AOPEP: variants seen among roughly 807,000 people sequenced by gnomAD.
AOPEP encodes the protein aminopeptidase O (putative), also known as aminopeptidase O.
A neutral mutation model predicts 98.1 loss-of-function variants in AOPEP; 77 were observed. The ratio of observed to expected loss-of-function variants is 0.78; its 90% CI spans 0.65 to 0.95. The LOEUF (loss-of-function observed/expected upper bound fraction) is 0.95, where lower values mean the gene tolerates loss of function less well. Ranked by LOEUF, AOPEP falls within the 40% of genes least tolerant of loss-of-function variation. The pLI is 0.00. For synonymous variants in AOPEP, 346 were observed against 365.3 expected, an observed-to-expected ratio of 0.95 and a Z score of 0.60; for missense variants, 1,024 against 1,024.7, an observed-to-expected ratio of 1.00 and a Z score of 0.01.
intron 5 of AOPEP, chr9:94,920,336 GTA>G (rs2053440749): frequency 6.5e-6 from 1 of 152,908 alleles, no homozygotes; most frequent in Admixed American, 6.6e-5. Flanking sequence ...AAAAAAAAAT[GTA>G]AACTTGCTCT....
chr9:95,033,435 G>A (rs1210024731), intron 13 of AOPEP, among the ~76,000 whole-genome samples: 1 of 152,044 alleles, frequency 6.6e-6, no homozygotes, highest in East Asian at 1.9e-4. Flanking sequence ...TTCTTTGATA[G>A]GTGATATGAT....
intron 16 of AOPEP, among the ~76,000 whole-genome samples, chr9:95,083,616 G>T (rs59274098): frequency 1.2e-4 from 17 of 139,336 alleles, no homozygotes; most frequent in Non-Finnish European, 1.8e-4. Flanking sequence ...CACGTAGCGC[G>T]CACACTGCAT....
chr9:94,760,001 A>G lies in AOPEP; in HGVS notation c.218A>G (p.Lys73Arg). ...CAATCAGAATCAAACAAAGCCTGCA[A>G]ATTTGGGATGCCTGAACCCTGCCAT... The part of the protein sequence containing the change: ...ACQSESNKAC[K>R]FGMPEPCHIP... Residue 73 changes from lysine (K) to arginine (R), a missense_variant, in exon 2 of 17, where the codon AAA becomes AGA. This residue lies in a region of AOPEP where 440 missense variants were observed against 433.8 expected (regional missense o/e 1.01). Transcript: ENST00000375315. 2.5e-6 allele frequency: 4 copies of G among 1,614,230 alleles called. No homozygotes were observed. Among genetic ancestry groups the G allele is most frequent in the Non-Finnish European group, 3.4e-6 (4 of 1,180,042 alleles).
chr9:94,770,941 C>G (rs1384077960), intron 2 of AOPEP, among the ~76,000 whole-genome samples: 2 of 152,216 alleles, frequency 1.3e-5, no homozygotes, highest in Admixed American at 6.5e-5. Flanking sequence ...GGCTACTTCA[C>G]AGAAGTCTTC....
At chr9:94,858,389 A>G (rs1425724054) in intron 5 of AOPEP, among the ~76,000 whole-genome samples, 1 of 152,240 alleles carries the variant, frequency 6.6e-6, no homozygotes, top group Non-Finnish European at 1.5e-5. Flanking sequence ...ACTTAAAACA[A>G]TGGAAATGGA....
the AOPEP span, chr9:95,150,205 A>G: frequency 7.2e-6 from 7 of 969,654 alleles, no homozygotes; most frequent in Admixed American, 1.2e-4. Context: ...CTCTAAATAA[A>G]GAGAATGACT....
intron 3 of AOPEP, among the ~76,000 whole-genome samples, chr9:94,780,895 A>G (rs558066084): frequency 2.0e-5 from 3 of 152,342 alleles, no homozygotes; most frequent in African/African-American, 7.2e-5. Flanking sequence ...CACAGAAGCA[A>G]GGCACCTGGG....
intron 5 of AOPEP, among the ~76,000 whole-genome samples, chr9:94,851,895 T>A (rs570650414): frequency 6.6e-6 from 1 of 151,756 alleles, no homozygotes; most frequent in Non-Finnish European, 1.5e-5. Context: ...ACATTGGTGC[T>A]TTATAGGCCT....
At chr9:94,819,762 G>A (rs963951442) in intron 5 of AOPEP, among the ~76,000 whole-genome samples, 1 of 151,250 alleles carries the variant, frequency 6.6e-6, no homozygotes, top group Non-Finnish European at 1.5e-5. Context: ...TCATAGAGAC[G>A]GGGTCTGACT....
chr9:95,127,840 C>G, the AOPEP span, among the ~76,000 whole-genome samples: 1 of 152,236 alleles, frequency 6.6e-6, no homozygotes, highest in Non-Finnish European at 1.5e-5. Context: ...GTCAGCACTG[C>G]TGGACCCGCC....
intron 5 of AOPEP, among the ~76,000 whole-genome samples, chr9:94,888,014 G>A (rs1032912661): frequency 7.1e-6 from 1 of 141,384 alleles, no homozygotes; most frequent in African/African-American, 2.5e-5. Flanking sequence ...TTGAAAATAT[G>A]TTTGTTCACT....
intron 5 of AOPEP, among the ~76,000 whole-genome samples, chr9:94,905,950 C>G (rs1470132854): frequency 6.6e-6 from 1 of 152,156 alleles, no homozygotes; most frequent in African/African-American, 2.4e-5. Flanking sequence ...CAGCAGAATG[C>G]AGATCCAAAC....
At chr9:95,093,761 G>A in the AOPEP span, among the ~76,000 whole-genome samples, 1 of 152,072 alleles carries the variant, frequency 6.6e-6, no homozygotes, top group Non-Finnish European at 1.5e-5. Flanking sequence ...CGTACATAAC[G>A]CTCGCTTCTC....
chr9:95,076,072 C>T (rs1345043110), intron 14 of AOPEP, among the ~76,000 whole-genome samples: 2 of 152,212 alleles, frequency 1.3e-5, no homozygotes, highest in African/African-American at 2.4e-5. Flanking sequence ...GGTACTTCAC[C>T]GTACCTGGCT....
the AOPEP span, among the ~76,000 whole-genome samples, chr9:95,096,144 T>C: frequency 2.0e-5 from 3 of 152,150 alleles, no homozygotes; most frequent in African/African-American, 4.8e-5. Context: ...GGCAGAGGGC[T>C]GGGGAGCTTA....
chr9:94,890,064 G>A (rs963300606), intron 5 of AOPEP, among the ~76,000 whole-genome samples: 12 of 145,512 alleles, frequency 8.2e-5, no homozygotes, highest in African/African-American at 2.3e-4. Context: ...TCACTCTGTC[G>A]ACCAGGCTGG....
intron 5 of AOPEP, among the ~76,000 whole-genome samples, chr9:94,833,052 C>T (rs1001396721): frequency 1.3e-5 from 2 of 151,740 alleles, no homozygotes; most frequent in Non-Finnish European, 2.9e-5. Context: ...TCTGCTGCCT[C>T]AGCCTCCTGA....
chr9:95,029,615 G>A (rs966375091), intron 13 of AOPEP, among the ~76,000 whole-genome samples: 1 of 152,120 alleles, frequency 6.6e-6, no homozygotes, highest in African/African-American at 2.4e-5. Context: ...GAGTTTCTAA[G>A]TTTTCCAGTA....
chr9:94,883,443 C>T (rs1174068844), intron 5 of AOPEP, among the ~76,000 whole-genome samples: 1 of 152,134 alleles, frequency 6.6e-6, no homozygotes, highest in East Asian at 1.9e-4. Context: ...CTTGACTTTG[C>T]CAGTATGTTA....
Sources: allele counts gnomAD v4.1 joint callset (sites outside exome capture counted in the v4.1 genomes callset), GRCh38; gene constraint gnomAD v4.1.1; regional missense constraint gnomAD v4.1.1; transcripts MANE v1.5; gene names NCBI Gene and HGNC (gene_info 2026-07-23, HGNC 2026-07-21).